SEMA6D: variants seen among roughly 807,000 people sequenced by gnomAD.
SEMA6D encodes semaphorin 6D, also known as semaphorin-6D.
In SEMA6D, 35 loss-of-function variants were observed where a neutral mutation model predicts 106.6. The observed-to-expected ratio is 0.33, with a 90% CI of 0.25 to 0.44. The LOEUF (loss-of-function observed/expected upper bound fraction) is 0.44. Among genes scored for constraint, SEMA6D ranks in the 20% least tolerant of loss-of-function variants. The pLI is 1.00. For synonymous variants in SEMA6D, 499 were observed against 487.7 expected, an observed-to-expected ratio of 1.02 and a Z score of -0.31; for missense variants, 1,185 against 1,345.9, an observed-to-expected ratio of 0.88 and a Z score of 1.87.
At chr15:47,285,950 C>G (rs1424758161) in intron 1 of SEMA6D, among the ~76,000 whole-genome samples, 2 of 152,044 alleles carry the variant, frequency 1.3e-5, no homozygotes, top group Non-Finnish European at 1.5e-5. Context: ...TTTTTAAAAG[C>G]AAAGGTTCTC....
At chr15:47,476,306 T>C (rs1335298154) in intron 3 of SEMA6D, among the ~76,000 whole-genome samples, 2 of 152,190 alleles carry the variant, frequency 1.3e-5, no homozygotes, top group African/African-American at 4.8e-5. Context: ...TTTAAAGAGT[T>C]CATTTAAGAA....
rs1287338916 is a variant in SEMA6D at position 47,494,771 on chromosome 15, T to G, written c.-87+24226T>G. Reference sequence around the variant, plus strand: ...ATATATATATATATATATATATATATATATATATATATATATATAATCTCC... The same window carrying G: ...ATATATATATATATATATATATATAGATATATATATATATATATAATCTCC... On this transcript the variant is annotated intron_variant, in intron 3 of 19. Transcript: ENST00000558014. Among the ~76,000 whole-genome samples the G allele has an allele frequency of 1.3e-4, 12 of 94,540 alleles. 1 individual carries two copies. The highest frequency in any genetic ancestry group is 5.2e-4 in the African/African-American group (11 of 21,174). The allele number at this position is 94,540 out of a possible 152,430, so 62.0% of individuals were successfully genotyped here.
At chr15:47,367,683 C>CGT (rs1366229338) in intron 1 of SEMA6D, among the ~76,000 whole-genome samples, 15 of 41,068 alleles carry the variant, frequency 3.7e-4, no homozygotes, top group African/African-American at 1.2e-3. Flanking sequence ...CTCACACGCG[C>CGT]GCGCGCGCGC....
intron 1 of SEMA6D, among the ~76,000 whole-genome samples, chr15:47,379,897 A>G (rs1200181480): frequency 6.6e-6 from 1 of 151,932 alleles, no homozygotes; most frequent in Admixed American, 6.6e-5. Flanking sequence ...AGCTGGGACT[A>G]CAGGCATGCC....
chr15:47,285,618 A>C (rs1035626847), intron 1 of SEMA6D, among the ~76,000 whole-genome samples: 21 of 152,200 alleles, frequency 1.4e-4, no homozygotes, highest in African/African-American at 5.1e-4. Flanking sequence ...AATTCAGATG[A>C]AAAGTGGATG....
chr15:47,567,256 A>G (rs1227043767), intron 3 of SEMA6D, among the ~76,000 whole-genome samples: 1 of 152,210 alleles, frequency 6.6e-6, no homozygotes, highest in Non-Finnish European at 1.5e-5. Flanking sequence ...AAGGATGTGA[A>G]ATTTTACATT....
intron 1 of SEMA6D, among the ~76,000 whole-genome samples, chr15:47,260,283 T>C (rs12438263): frequency 0.44 from 67,177 of 151,556 alleles, 16,660 homozygotes; most frequent in Non-Finnish European, 0.56. Context: ...ATGGACATTT[T>C]GTCTATTATG....
chr15:47,762,357 A>G (rs531738339), intron 8 of SEMA6D, 38 bp downstream of exon 8: 6 of 1,607,636 alleles, frequency 3.7e-6, no homozygotes, highest in Non-Finnish European at 5.1e-6. Context: ...TCACCAGGAT[A>G]GTGGATGGCC....
chr15:47,421,927 A>G (rs1431476017), intron 2 of SEMA6D, among the ~76,000 whole-genome samples: 1 of 152,018 alleles, frequency 6.6e-6, no homozygotes, highest in South Asian at 2.1e-4. Flanking sequence ...ATAAAATAAA[A>G]TTCTATTGTC....
intron 3 of SEMA6D, among the ~76,000 whole-genome samples, chr15:47,547,763 CT>C (rs1254921583): frequency 6.6e-6 from 1 of 152,042 alleles, no homozygotes; most frequent in Non-Finnish European, 1.5e-5. Flanking sequence ...CTCTTAAAAC[CT>C]TATAAAAATG....
intron 1 of SEMA6D, among the ~76,000 whole-genome samples, chr15:47,721,285 G>A (rs2146322222): frequency 6.6e-6 from 1 of 152,342 alleles, no homozygotes; most frequent in East Asian, 1.9e-4. Context: ...TTGCAGTGGT[G>A]CAGCCTACCT....
At chr15:47,551,070 T>C (rs1298466396) in intron 3 of SEMA6D, among the ~76,000 whole-genome samples, 1 of 152,198 alleles carries the variant, frequency 6.6e-6, no homozygotes, top group Admixed American at 6.5e-5. Context: ...ATCGATAAGC[T>C]TTGCACCTGA....
intron 2 of SEMA6D, among the ~76,000 whole-genome samples, chr15:47,462,590 C>T (rs569211425): frequency 6.6e-6 from 1 of 152,208 alleles, no homozygotes; most frequent in East Asian, 1.9e-4. Flanking sequence ...AAATCGTTGA[C>T]TGTAATGAAC....
chr15:47,187,616 G>A (rs1372251476), intron 1 of SEMA6D, among the ~76,000 whole-genome samples: 3 of 152,094 alleles, frequency 2.0e-5, no homozygotes, highest in African/African-American at 4.8e-5. Context: ...AGATTTATTT[G>A]TACTATATAC....
intron 1 of SEMA6D, among the ~76,000 whole-genome samples, chr15:47,337,514 T>TA (rs940864677): frequency 1.2e-4 from 19 of 152,042 alleles, no homozygotes; most frequent in East Asian, 3.9e-4. Flanking sequence ...GAGGGCTATT[T>TA]AAAAAAAACA....
chr15:47,761,285 G>T (rs977335758), intron 5 of SEMA6D, 45 bp from the exon 6 acceptor site: 2 of 1,608,998 alleles, frequency 1.2e-6, no homozygotes, highest in African/African-American at 2.7e-5. Context: ...CACAGTGCCA[G>T]CATGTTCAAA....
At chr15:47,701,219 A>G (rs1404783453) in intron 4 of SEMA6D, among the ~76,000 whole-genome samples, 1 of 152,238 alleles carries the variant, frequency 6.6e-6, no homozygotes, top group Non-Finnish European at 1.5e-5. Context: ...GTTGTCCAAA[A>G]TATATAAAGA....
At chr15:47,490,793 GA>G (rs1290418321) in intron 3 of SEMA6D, among the ~76,000 whole-genome samples, 1 of 152,038 alleles carries the variant, frequency 6.6e-6, no homozygotes, top group Non-Finnish European at 1.5e-5. Flanking sequence ...AAAAATGAAT[GA>G]AAAAACTCCA....
intron 1 of SEMA6D, among the ~76,000 whole-genome samples, chr15:47,402,147 A>G (rs2040421446): frequency 6.6e-6 from 1 of 152,220 alleles, no homozygotes; most frequent in South Asian, 2.1e-4. Flanking sequence ...CTTGAAATGT[A>G]GTTGATGCCA....
Sources: gnomAD v4.1 joint callset for allele counts (sites outside exome capture counted in the v4.1 genomes callset) on GRCh38, gnomAD v4.1.1 for gene constraint, MANE v1.5 for transcripts, NCBI Gene and HGNC (gene_info 2026-07-23, HGNC 2026-07-21) for gene names.